CCDC172: variants seen among roughly 807,000 people sequenced by gnomAD.
CCDC172 encodes coiled-coil domain containing 172.
In CCDC172, 30 loss-of-function variants were observed where a neutral mutation model predicts 38.0. The observed-to-expected ratio is 0.79, with a 90% CI of 0.59 to 1.07. The LOEUF is 1.07. CCDC172 is among the 50% of genes least tolerant of loss of function. The pLI is 0.00. For synonymous variants in CCDC172, 78 were observed against 88.3 expected, an observed-to-expected ratio of 0.88 and a Z score of 0.66; for missense variants, 297 against 290.1, an observed-to-expected ratio of 1.02 and a Z score of -0.17.
rs112604946 is a variant in CCDC172, at chr10:116,351,624, A to C, written c.449-5756A>C. The stretch of plus-strand genomic sequence containing the variant: ...ATGTGGAGAACTTTTACGTATCGTC[A>C]TGAGGAATAATTTTATGGAATTTTC... On this transcript the variant is annotated intron_variant, in intron 5 of 8. Coordinates refer to ENST00000333254, the MANE Select transcript of CCDC172 (RefSeq NM_198515.3). Among the ~76,000 whole-genome samples, 268 of 152,200 alleles carry C rather than the reference A, an allele frequency of 1.8e-3. 1 individual carries two copies. Among genetic ancestry groups the C allele is most frequent in the African/African-American group, 6.2e-3 (256 of 41,484 alleles).
At chr10:116,340,964 G>A (rs1844786603) in intron 4 of CCDC172, 114 bp downstream of exon 4, 1 of 704,876 alleles carries the variant, frequency 1.4e-6, no homozygotes, top group East Asian at 2.7e-5. Flanking sequence ...AGGTAGTACT[G>A]CTCAGATACA....
intron 7 of CCDC172, among the ~76,000 whole-genome samples, chr10:116,367,846 T>C (rs1201605340): frequency 6.6e-6 from 1 of 152,078 alleles, no homozygotes; most frequent in Non-Finnish European, 1.5e-5. Context: ...CTCCTCTCTC[T>C]CTCCTTCTTA....
chr10:116,353,192 CA>C (rs111993326), intron 5 of CCDC172, among the ~76,000 whole-genome samples: 9 of 145,978 alleles, frequency 6.2e-5, no homozygotes, highest in South Asian at 2.2e-4. Flanking sequence ...GACTCCATCT[CA>C]AAAAAAAAAG....
intron 7 of CCDC172, among the ~76,000 whole-genome samples, chr10:116,375,736 C>T (rs868145970): frequency 6.6e-5 from 10 of 152,256 alleles, no homozygotes; most frequent in Non-Finnish European, 2.9e-5. Context: ...ACAGACACTT[C>T]TCAAAAGAAG....
At chr10:116,374,314 G>A (rs1845220567) in intron 7 of CCDC172, among the ~76,000 whole-genome samples, 6 of 152,040 alleles carry the variant, frequency 3.9e-5, no homozygotes, top group Admixed American at 3.9e-4. Context: ...AGAAGGAAAG[G>A]AAAAAAATTG....
At position 116,358,641 on chromosome 10, in the gene CCDC172, A is replaced by G. The variant is rs563888770; in HGVS notation, c.653+703A>G. ...AAATCGTATAGGAAATATGTCCACT[A>G]GAGCTGAACAAATGCTTCATATTAG... is the stretch of plus-strand genomic sequence containing the variant. On this transcript the variant is annotated intron_variant, in intron 7 of 8. Coordinates refer to ENST00000333254, the MANE Select transcript of CCDC172 (RefSeq NM_198515.3). Among the ~76,000 whole-genome samples, 11 of 152,318 alleles carry G rather than the reference A, an allele frequency of 7.2e-5. No homozygotes were observed. The South Asian group carries it at 2.1e-3, about 29-fold the overall frequency.
intron 7 of CCDC172, among the ~76,000 whole-genome samples, chr10:116,358,388 T>A (rs1001083663): frequency 8.5e-5 from 13 of 152,162 alleles, no homozygotes; most frequent in African/African-American, 2.9e-4. Context: ...ATTATTTAGA[T>A]GATTTTTATG....
chr10:116,342,980 T>A (rs903347170), intron 5 of CCDC172, among the ~76,000 whole-genome samples: 2 of 152,096 alleles, frequency 1.3e-5, no homozygotes, highest in Non-Finnish European at 2.9e-5. Context: ...TCTTCTTTTT[T>A]AATAAATTAC....
chr10:116,336,201 AATATT>A (rs200812061), intron 3 of CCDC172, among the ~76,000 whole-genome samples: 13,967 of 148,422 alleles, frequency 0.094, 894 homozygotes, highest in East Asian at 0.21. Context: ...AATATGTATA[AATATT>A]ATATTATATT....
At position 116,374,470 on chromosome 10, in the gene CCDC172, T is replaced by A. The variant is rs995608570; in HGVS notation, c.654-3953T>A. On this transcript the variant is annotated intron_variant, in intron 7 of 8. Coordinates refer to ENST00000333254, the MANE Select transcript of CCDC172 (RefSeq NM_198515.3). ...ATAATATCTTTCTGTGCCTAATTTA[T>A]AAATTAAACTTTATCATAGGTATAT... Among the ~76,000 whole-genome samples, 3 of 150,218 alleles carry A rather than the reference T, an allele frequency of 2.0e-5. No individual in the cohort carries two copies. In the South Asian group the frequency reaches 6.2e-4, roughly 31 times the overall value.
intron 3 of CCDC172, among the ~76,000 whole-genome samples, chr10:116,328,368 G>A (rs1844616586): frequency 6.6e-6 from 1 of 152,048 alleles, no homozygotes; most frequent in African/African-American, 2.4e-5. Flanking sequence ...CAAAACTTCT[G>A]ATAGTTAAGG....
intron 5 of CCDC172, among the ~76,000 whole-genome samples, chr10:116,353,256 A>G (rs1844955044): frequency 6.6e-6 from 1 of 152,134 alleles, no homozygotes; most frequent in African/African-American, 2.4e-5. Flanking sequence ...CTCAAAATGG[A>G]TCAGACAGCT....
intron 3 of CCDC172, among the ~76,000 whole-genome samples, chr10:116,326,692 C>T (rs1384246101): frequency 6.6e-6 from 1 of 152,110 alleles, no homozygotes; most frequent in African/African-American, 2.4e-5. Flanking sequence ...TTGTATCCCC[C>T]ACTATTTTGT....
chr10:116,361,804 A>G (rs997007552), intron 7 of CCDC172, among the ~76,000 whole-genome samples: 15 of 152,226 alleles, frequency 9.9e-5, no homozygotes, highest in African/African-American at 3.6e-4. Context: ...GTAAGAAGGC[A>G]TAAACTCAAT....
At chr10:116,327,585 C>T (rs1589945274) in intron 3 of CCDC172, among the ~76,000 whole-genome samples, 1 of 152,156 alleles carries the variant, frequency 6.6e-6, no homozygotes, top group East Asian at 1.9e-4. Context: ...AAAAGGCCTA[C>T]CATTGTTTAG....
chr10:116,361,032 CTATTATTATTAT>C (rs140026446), intron 7 of CCDC172, among the ~76,000 whole-genome samples: 21,475 of 142,064 alleles, frequency 0.15, 1,717 homozygotes, highest in African/African-American at 0.18. Context: ...ACCCCCAAAC[CTATTATTATTAT>C]TATTATTATT....
At chr10:116,335,016 A>G (rs550130499) in intron 3 of CCDC172, among the ~76,000 whole-genome samples, 2 of 151,682 alleles carry the variant, frequency 1.3e-5, no homozygotes, top group Admixed American at 1.3e-4. Flanking sequence ...TTTCTTTATC[A>G]TTTGTTGCAA....
At position 116,325,050 on chromosome 10, in the gene CCDC172, C is replaced by G; in HGVS notation, c.39C>G (p.Thr13=). The stretch of plus-strand genomic sequence containing the variant: ...CCCTGTTTCAGCACATCATCTTCAC[C>G]GAGCATCAGGCGGAGGAGAGTCGCC... ...LESLFQHIIF[T]EHQAEESRRL... Residue 13 remains threonine, a synonymous_variant, in exon 2 of 9, where the codon ACC becomes ACG. Transcript: ENST00000333254. 6.2e-7 allele frequency: 1 copy of G among 1,614,060 alleles called. No homozygotes were observed. Among genetic ancestry groups the G allele is most frequent in the Non-Finnish European group, 8.5e-7 (1 of 1,180,026 alleles).
At chr10:116,372,403 A>G (rs1845195448) in intron 7 of CCDC172, among the ~76,000 whole-genome samples, 1 of 151,972 alleles carries the variant, frequency 6.6e-6, no homozygotes, top group South Asian at 2.1e-4. Context: ...CACCACTGCA[A>G]TCAAGATATA....
Sources: allele counts gnomAD v4.1 joint callset (sites outside exome capture counted in the v4.1 genomes callset), GRCh38; gene constraint gnomAD v4.1.1; transcripts MANE v1.5; gene names NCBI Gene and HGNC (gene_info 2026-07-23, HGNC 2026-07-21).